FGD6: variants seen among roughly 807,000 people sequenced by gnomAD.
FGD6 encodes FYVE, RhoGEF and PH domain containing 6, also known as FYVE, RhoGEF and PH domain-containing protein 6.
In FGD6, 90 loss-of-function variants were observed where a neutral mutation model predicts 149.4. The observed-to-expected ratio is 0.60, with a 90% CI of 0.51 to 0.72. The LOEUF (loss-of-function observed/expected upper bound fraction) is 0.72, where lower values mean the gene tolerates loss of function less well. Among genes scored for constraint, FGD6 ranks in the 30% least tolerant of loss-of-function variants. The probability of loss-of-function intolerance (pLI) is 0.00; values close to 1 mark genes in which losing one functional copy is unlikely to be tolerated. For missense variants in FGD6, 1,437 were observed against 1,684.8 expected, an observed-to-expected ratio of 0.85 and a Z score of 2.57; for synonymous variants, 527 against 584.0, an observed-to-expected ratio of 0.90 and a Z score of 1.41.
At chr12:95,127,229 C>A (rs897151898) in intron 8 of FGD6, among the ~76,000 whole-genome samples, 5 of 151,576 alleles carry the variant, frequency 3.3e-5, no homozygotes, top group African/African-American at 1.2e-4. Flanking sequence ...CAGAAGTTTT[C>A]CGTAAGGGTT....
intron 20 of FGD6, among the ~76,000 whole-genome samples, chr12:95,083,030 T>TATATACACACACACACACACAC (rs772685891): frequency 1.8e-4 from 10 of 56,586 alleles, no homozygotes; most frequent in Non-Finnish European, 9.8e-5. Flanking sequence ...TATATATATA[T>TATATACACACACACACACACAC]ACACACACAT....
chr12:95,217,137 C>T, intron 1 of FGD6, 88 bp downstream of exon 1: 1 of 1,580,346 alleles, frequency 6.3e-7, no homozygotes, highest in Non-Finnish European at 8.6e-7. Context: ...ACAACTCGCC[C>T]ACCCCGGCGA....
intron 2 of FGD6, among the ~76,000 whole-genome samples, chr12:95,187,172 A>T (rs1592868887): frequency 6.6e-6 from 1 of 150,754 alleles, no homozygotes; most frequent in South Asian, 2.1e-4. Flanking sequence ...TCTACTAAAA[A>T]TATAAAAAAT....
At position 95,210,400 on chromosome 12, in the gene FGD6, A is replaced by G; in HGVS notation, c.884T>C (p.Val295Ala). ...AATTTCTAAGGGACCAAGGTCTTTG[A>G]CTTCTGATTTCTTACTAACTCCATC... ...SSDGVSKKSEVKDLGPLEIHL... is the reference protein window; with the variant it reads ...SSDGVSKKSEAKDLGPLEIHL... The change falls in exon 2 of 21, where the codon GTC becomes GCC. Residue 295 changes from valine to alanine, a missense_variant. Coordinates refer to ENST00000343958, the MANE Select transcript of FGD6 (RefSeq NM_018351.4). The G allele has an allele frequency of 6.2e-7, 1 of 1,613,914 alleles. No individual in the cohort carries two copies. Among genetic ancestry groups the G allele is most frequent in the Non-Finnish European group, 8.5e-7 (1 of 1,179,980 alleles).
At chr12:95,143,917 GAGTA>G (rs1418663332) in intron 5 of FGD6, among the ~76,000 whole-genome samples, 1 of 152,182 alleles carries the variant, frequency 6.6e-6, no homozygotes, top group African/African-American at 2.4e-5. Flanking sequence ...TCTTCTGGTG[GAGTA>G]AGTAATGGCT....
At position 95,209,228 on chromosome 12, in the gene FGD6, T is replaced by G. The variant is rs1428713841; in HGVS notation, c.2056A>C (p.Lys686Gln). The G allele has an allele frequency of 6.2e-7, 1 of 1,614,142 alleles. No homozygotes were observed. Among genetic ancestry groups the G allele is most frequent in the Non-Finnish European group, 8.5e-7 (1 of 1,180,020 alleles). The change falls in exon 2 of 21, where the codon AAA becomes CAA. Residue 686 changes from lysine to glutamine, a missense_variant. By Grantham distance (53) the Lys-to-Gln change is moderately conservative (BLOSUM62 1). Transcript: ENST00000343958. ...TCTGTGGAATATGCCTTGATGGGTTTACTTCTCTTCTCCTCTCCTACCAAC... is the reference window on the plus strand; with the variant it reads ...TCTGTGGAATATGCCTTGATGGGTTGACTTCTCTTCTCCTCTCCTACCAAC... ...GLLVGEEKRS[K>Q]PIKAYSTENY...
intron 2 of FGD6, among the ~76,000 whole-genome samples, chr12:95,181,273 G>A (rs746798916): frequency 2.6e-5 from 4 of 152,140 alleles, no homozygotes; most frequent in Admixed American, 6.5e-5. Flanking sequence ...AATAGGGTCC[G>A]TCTCCCATAG....
intron 3 of FGD6, among the ~76,000 whole-genome samples, chr12:95,156,395 A>G (rs942862695): frequency 3.3e-5 from 5 of 152,106 alleles, no homozygotes; most frequent in African/African-American, 1.2e-4. Flanking sequence ...AGCTGTAGGG[A>G]TGAAATAAAC....
intron 15 of FGD6, 119 bp downstream of exon 15, chr12:95,094,469 ACTCT>A (rs1233284191): frequency 1.5e-6 from 1 of 646,036 alleles, no homozygotes; most frequent in African/African-American, 1.8e-5. Flanking sequence ...CTGTAGAGTA[ACTCT>A]CTGATGTCCA....
At chr12:95,182,816 T>C (rs544925673) in intron 2 of FGD6, among the ~76,000 whole-genome samples, 1 of 152,032 alleles carries the variant, frequency 6.6e-6, no homozygotes, top group Non-Finnish European at 1.5e-5. Flanking sequence ...CTCACGCCTG[T>C]AATCCCAACT....
chr12:95,098,307 C>T (rs1878308728), intron 14 of FGD6, among the ~76,000 whole-genome samples: 1 of 152,112 alleles, frequency 6.6e-6, no homozygotes, highest in Admixed American at 6.6e-5. Context: ...CCAATCAGTC[C>T]CCTCCTTTAG....
chr12:95,103,023 T>C (rs1415856620), intron 14 of FGD6, among the ~76,000 whole-genome samples: 1 of 152,238 alleles, frequency 6.6e-6, no homozygotes, highest in Non-Finnish European at 1.5e-5. Flanking sequence ...CTACTCCACC[T>C]GCTCCTAAGA....
In FGD6 at chr12:95,114,493, C is replaced by CACACACACACGT. The variant is rs1555217714; in HGVS notation, c.3083-793_3083-792insACGTGTGTGTGT. ...ACACACACACACACACACACACACA[C>CACACACACACGT]GTCAGACGTGCTGCTAAATATCTTA... On this transcript the variant is annotated intron_variant, in intron 8 of 20. Coordinates refer to ENST00000343958, the MANE Select transcript of FGD6 (RefSeq NM_018351.4). Among the ~76,000 whole-genome samples the CACACACACACGT allele has an allele frequency of 4.7e-4, 67 of 143,012 alleles. 5 individuals carry two copies. The highest frequency in any genetic ancestry group is 7.0e-4 in the Non-Finnish European group (46 of 65,762). 93.8% of individuals were successfully genotyped at this position (143,012 alleles called of 152,430 possible).
chr12:95,165,932 C>A (rs1190724982), intron 3 of FGD6, among the ~76,000 whole-genome samples: 2 of 151,740 alleles, frequency 1.3e-5, no homozygotes, highest in Non-Finnish European at 1.5e-5. Context: ...CAGGTGTGAG[C>A]CACCATGCCT....
At chr12:95,116,229 A>G (rs1879008379) in intron 8 of FGD6, among the ~76,000 whole-genome samples, 1 of 152,168 alleles carries the variant, frequency 6.6e-6, no homozygotes, top group African/African-American at 2.4e-5. Context: ...TAACATTTCT[A>G]TGGCTGACAG....
chr12:95,198,264 T>C (rs1024945113), intron 2 of FGD6, among the ~76,000 whole-genome samples: 1 of 152,216 alleles, frequency 6.6e-6, no homozygotes, highest in Non-Finnish European at 1.5e-5. Context: ...TATCTACAAG[T>C]TAGCTCTGTG....
At chr12:95,144,414 C>CAA (rs529654463) in intron 5 of FGD6, among the ~76,000 whole-genome samples, 29,328 of 151,466 alleles carry the variant, frequency 0.19, 3,038 homozygotes, top group Non-Finnish European at 0.21. Context: ...TTTTTTGAGA[C>CAA]AGAGTTTCAC....
intron 3 of FGD6, among the ~76,000 whole-genome samples, chr12:95,153,912 C>CGTGTGTGTGTGTGT (rs754945627): frequency 8.2e-4 from 116 of 141,406 alleles, no homozygotes; most frequent in African/African-American, 2.9e-3. Flanking sequence ...AAATGAAATT[C>CGTGTGTGTGTGTGT]GTGTGTGTGT....
At chr12:95,193,701 AT>A (rs1440073994) in intron 2 of FGD6, among the ~76,000 whole-genome samples, 3 of 151,664 alleles carry the variant, frequency 2.0e-5, no homozygotes. Context: ...GCTAATTTTC[AT>A]ATTTTCAGTA....
Sources: gnomAD v4.1 joint callset for allele counts (sites outside exome capture counted in the v4.1 genomes callset) on GRCh38, gnomAD v4.1.1 for gene constraint, MANE v1.5 for transcripts, NCBI Gene and HGNC (gene_info 2026-07-23, HGNC 2026-07-21) for gene names.